CSMD1: variants seen among roughly 807,000 people sequenced by gnomAD.
CSMD1 encodes the protein CUB and sushi domain-containing protein 1.
A neutral mutation model predicts 417.5 loss-of-function variants in CSMD1; 213 were observed. That is an observed-to-expected ratio of 0.51 (90% confidence interval 0.46 to 0.57). The LOEUF (loss-of-function observed/expected upper bound fraction) is 0.57, where lower values mean the gene tolerates loss of function less well. Ranked by LOEUF, CSMD1 falls within the 20% of genes least tolerant of loss-of-function variation. CSMD1 has a pLI of 0.00. For missense variants in CSMD1, 6,923 were observed against 4,529.7 expected, an observed-to-expected ratio of 1.53 and a Z score of -15.17; for synonymous variants, 2,862 against 1,736.8, an observed-to-expected ratio of 1.65 and a Z score of -16.11.
intron 1 of CSMD1, among the ~76,000 whole-genome samples, chr8:4,860,123 A>C (rs890665883): frequency 6.6e-6 from 1 of 151,824 alleles, no homozygotes; most frequent in African/African-American, 2.4e-5. Flanking sequence ...GACATGGATG[A>C]AATTGGAAAT....
chr8:3,238,852 T>C (rs982946471), intron 26 of CSMD1, among the ~76,000 whole-genome samples: 12 of 152,138 alleles, frequency 7.9e-5, no homozygotes, highest in African/African-American at 2.2e-4. Context: ...CCAAGAGATA[T>C]CAGCTGTAAT....
intron 3 of CSMD1, among the ~76,000 whole-genome samples, chr8:4,268,518 G>C (rs1323687138): frequency 6.6e-6 from 1 of 152,112 alleles, no homozygotes; most frequent in Non-Finnish European, 1.5e-5. Flanking sequence ...ACAAGTAGTA[G>C]TCAAAATGAT....
chr8:3,493,581 A>G, intron 11 of CSMD1, 42 bp downstream of exon 11: 1 of 1,522,800 alleles, frequency 6.6e-7, no homozygotes, highest in Non-Finnish European at 9.0e-7. Context: ...CGTGCCCCGC[A>G]CTGCATGCAT....
intron 2 of CSMD1, among the ~76,000 whole-genome samples, chr8:4,428,871 C>T (rs11774358): frequency 0.078 from 11,876 of 152,002 alleles, 614 homozygotes; most frequent in South Asian, 0.13. Flanking sequence ...GGCACCACCA[C>T]GTCCAGCTAA....
At chr8:3,627,216 G>C (rs1796537060) in intron 7 of CSMD1, among the ~76,000 whole-genome samples, 1 of 152,104 alleles carries the variant, frequency 6.6e-6, no homozygotes, top group Non-Finnish European at 1.5e-5. Context: ...GCAAAATTGA[G>C]AGAACTGAGT....
intron 5 of CSMD1, among the ~76,000 whole-genome samples, chr8:3,827,522 C>A (rs1802123334): frequency 6.6e-6 from 1 of 152,158 alleles, no homozygotes. Context: ...TCTAGGTTTC[C>A]CCAAGGCACT....
At chr8:4,213,299 C>G (rs994900180) in intron 3 of CSMD1, among the ~76,000 whole-genome samples, 1 of 152,100 alleles carries the variant, frequency 6.6e-6, no homozygotes, top group African/African-American at 2.4e-5. Flanking sequence ...CAGCTCTGCT[C>G]ACACCACACC....
At chr8:3,762,944 C>G (rs115062239) in intron 5 of CSMD1, among the ~76,000 whole-genome samples, 3,415 of 150,906 alleles carry the variant, frequency 0.023, 56 homozygotes, top group South Asian at 0.036. Flanking sequence ...AGTGTTCTTT[C>G]TGCTCATCCC....
intron 25 of CSMD1, among the ~76,000 whole-genome samples, chr8:3,303,511 C>T (rs747640159): frequency 1.5e-4 from 23 of 152,240 alleles, no homozygotes; most frequent in East Asian, 9.6e-4. Context: ...TCATACTGTG[C>T]GAGCTTATTA....
At chr8:4,154,032 T>A (rs558719368) in intron 3 of CSMD1, among the ~76,000 whole-genome samples, 1 of 152,190 alleles carries the variant, frequency 6.6e-6, no homozygotes, top group Non-Finnish European at 1.5e-5. Context: ...TATTTTCAGC[T>A]TGCTGCCACA....
At chr8:3,967,299 T>C (rs1379944262) in intron 5 of CSMD1, among the ~76,000 whole-genome samples, 5 of 152,174 alleles carry the variant, frequency 3.3e-5, no homozygotes, top group Non-Finnish European at 7.3e-5. Flanking sequence ...CCTTTGTTCC[T>C]TCCCTTACAC....
chr8:2,966,216 T>C (rs978802649), intron 58 of CSMD1, among the ~76,000 whole-genome samples: 3 of 152,132 alleles, frequency 2.0e-5, no homozygotes, highest in Non-Finnish European at 4.4e-5. Context: ...TAGCCCCTAA[T>C]TAGGCATGGG....
At chr8:4,825,160 G>C (rs1027251544) in intron 1 of CSMD1, among the ~76,000 whole-genome samples, 5 of 152,032 alleles carry the variant, frequency 3.3e-5, no homozygotes, top group African/African-American at 1.2e-4. Context: ...GAAGAAGTGG[G>C]ATAAATGTGA....
intron 6 of CSMD1, 41 bp downstream of exon 6, chr8:3,753,889 G>C (rs915098740): frequency 7.5e-7 from 1 of 1,335,884 alleles, no homozygotes; most frequent in East Asian, 2.3e-5. Context: ...AATATATTAC[G>C]CTCTGTTTTT....
At chr8:4,081,540 G>C (rs1333864832) in intron 3 of CSMD1, among the ~76,000 whole-genome samples, 1 of 152,118 alleles carries the variant, frequency 6.6e-6, no homozygotes, top group Non-Finnish European at 1.5e-5. Flanking sequence ...CACCGGAAAG[G>C]AACCGAAGCT....
chr8:4,153,163 C>A (rs1367291116), intron 3 of CSMD1, among the ~76,000 whole-genome samples: 1 of 152,064 alleles, frequency 6.6e-6, no homozygotes, highest in Non-Finnish European at 1.5e-5. Context: ...GGTGACCATG[C>A]CAGGAATAAG....
intron 3 of CSMD1, among the ~76,000 whole-genome samples, chr8:4,098,021 G>T (rs959948439): frequency 1.3e-5 from 2 of 152,142 alleles, no homozygotes; most frequent in Non-Finnish European, 2.9e-5. Flanking sequence ...TGATTTGCAG[G>T]AGTTCATATA....
At chr8:3,789,311 G>T (rs1163250280) in intron 5 of CSMD1, among the ~76,000 whole-genome samples, 5 of 150,710 alleles carry the variant, frequency 3.3e-5, no homozygotes, top group African/African-American at 1.2e-4. Flanking sequence ...TATTTATTGT[G>T]ACAGCCCCAA....
At chr8:4,703,385 C>G (rs71523642) in intron 1 of CSMD1, among the ~76,000 whole-genome samples, 1 of 152,204 alleles carries the variant, frequency 6.6e-6, no homozygotes, top group Non-Finnish European at 1.5e-5. Context: ...GAAGAAATAG[C>G]GATGGACTCA....
Sources: gnomAD v4.1 joint callset for allele counts (sites outside exome capture counted in the v4.1 genomes callset) on GRCh38, gnomAD v4.1.1 for gene constraint, MANE v1.5 for transcripts, NCBI Gene and HGNC (gene_info 2026-07-23, HGNC 2026-07-21) for gene names.